Variants in TRPC5 observed in about 807,000 individuals in gnomAD.
The protein encoded by TRPC5 is transient receptor potential cation channel subfamily C member 5.
TRPC5 carries 9 observed loss-of-function variants against 56.5 expected under a neutral mutation model. The ratio of observed to expected loss-of-function variants is 0.16; its 90% CI spans 0.10 to 0.28. The LOEUF is 0.28. Ranked by LOEUF, TRPC5 falls within the 10% of genes least tolerant of loss-of-function variation. The pLI, the probability that TRPC5 is intolerant of heterozygous loss-of-function variation, is 1.00. For synonymous variants in TRPC5, 282 were observed against 278.5 expected, an observed-to-expected ratio of 1.01 and a Z score of -0.13; for missense variants, 469 against 748.9, an observed-to-expected ratio of 0.63 and a Z score of 4.36.
At chrX:112,063,885 G>A (rs1416007323) in intron 1 of TRPC5, among the ~76,000 whole-genome samples, 2 of 111,632 alleles carry the variant, frequency 1.8e-5, no homozygotes, top group Admixed American at 9.5e-5. Context: ...TCCGCCTCCC[G>A]GGTTCACGCC....
intron 4 of TRPC5, among the ~76,000 whole-genome samples, chrX:111,852,971 T>G (rs1230829585): frequency 9.0e-6 from 1 of 111,585 alleles, no homozygotes; most frequent in Non-Finnish European, 1.9e-5. Flanking sequence ...GTAGAAGTTT[T>G]GTAAAATTTT....
intron 7 of TRPC5, among the ~76,000 whole-genome samples, chrX:111,796,947 G>A (rs1388455727): frequency 8.9e-6 from 1 of 112,071 alleles, no homozygotes; most frequent in East Asian, 2.8e-4. Context: ...AGGCTGCTGT[G>A]CTGTTAAAAA....
At chrX:111,864,899 T>C (rs756609886) in intron 3 of TRPC5, among the ~76,000 whole-genome samples, 7 of 112,177 alleles carry the variant, frequency 6.2e-5, no homozygotes, top group Non-Finnish European at 1.3e-4. Flanking sequence ...TGGGAAGTTA[T>C]GTTGTTCTAT....
At chrX:111,891,250 T>C (rs1328620415) in intron 3 of TRPC5, among the ~76,000 whole-genome samples, 1 of 112,036 alleles carries the variant, frequency 8.9e-6, no homozygotes, top group Non-Finnish European at 1.9e-5. Flanking sequence ...GATGCCTGGG[T>C]CAAATGGTAT....
At chrX:111,791,890 A>G (rs1946024302) in intron 7 of TRPC5, among the ~76,000 whole-genome samples, 1 of 112,440 alleles carries the variant, frequency 8.9e-6, no homozygotes, top group East Asian at 2.8e-4. Context: ...CCTGTGGAAG[A>G]CAGTGTGGTG....
At chrX:111,787,060 T>C (rs1182129188) in intron 7 of TRPC5, among the ~76,000 whole-genome samples, 1 of 111,813 alleles carries the variant, frequency 8.9e-6, no homozygotes, top group Non-Finnish European at 1.9e-5. Context: ...GGAGACCTAA[T>C]AGACATCTAC....
rs970109911 is a variant in TRPC5, at chrX:111,815,591, C to T, written c.1896+19330G>A. 9.0e-5 allele frequency among the ~76,000 whole-genome samples: 10 copies of T among 110,669 alleles called. No homozygotes were observed. In the South Asian group the frequency reaches 1.2e-3, roughly 13 times the overall value. ...CAAAAATTAGCCAGGCATGGTGGCACGCGCCTGTAATCGCAGCTACTCGGG... is the reference window on the plus strand; with the variant it reads ...CAAAAATTAGCCAGGCATGGTGGCATGCGCCTGTAATCGCAGCTACTCGGG... On this transcript the variant is annotated intron_variant, in intron 7 of 10. Transcript: ENST00000262839.
intron 1 of TRPC5, among the ~76,000 whole-genome samples, chrX:111,991,877 G>A (rs958411155): frequency 1.8e-5 from 2 of 111,753 alleles, no homozygotes; most frequent in Non-Finnish European, 3.8e-5. Flanking sequence ...TAGGGTTTCA[G>A]GCTATCTAAT....
chrX:112,077,835 C>T (rs1930869964), intron 1 of TRPC5, among the ~76,000 whole-genome samples: 1 of 112,168 alleles, frequency 8.9e-6, no homozygotes, highest in African/African-American at 3.2e-5. Flanking sequence ...TCTTCTTGTA[C>T]TCTGCTCTAA....
intron 7 of TRPC5, among the ~76,000 whole-genome samples, chrX:111,824,006 G>A (rs113824078): frequency 9.7e-4 from 108 of 110,790 alleles, no homozygotes; most frequent in Middle Eastern, 9.2e-3. Context: ...TGGGGAGGTC[G>A]GATCGCTTGA....
intron 1 of TRPC5, among the ~76,000 whole-genome samples, chrX:112,014,794 C>A (rs1233676541): frequency 9.0e-6 from 1 of 111,672 alleles, no homozygotes; most frequent in African/African-American, 3.3e-5. Flanking sequence ...AGATGACATC[C>A]TCCCCTATAT....
intron 1 of TRPC5, among the ~76,000 whole-genome samples, chrX:111,958,089 C>T (rs1927281754): frequency 8.9e-6 from 1 of 111,920 alleles, no homozygotes; most frequent in South Asian, 3.7e-4. Flanking sequence ...TAAGAACACA[C>T]TGGCCTTCTA....
At chrX:111,842,737 A>C (rs2148581418) in intron 6 of TRPC5, among the ~76,000 whole-genome samples, 1 of 112,420 alleles carries the variant, frequency 8.9e-6, no homozygotes, top group East Asian at 2.8e-4. Context: ...TATAGGGATC[A>C]ATGTAGAGCT....
At chrX:111,862,709 T>G (rs1296941841) in intron 3 of TRPC5, among the ~76,000 whole-genome samples, 5 of 112,379 alleles carry the variant, frequency 4.4e-5, no homozygotes. Flanking sequence ...TTCCCCATTA[T>G]ATTGTTTTGA....
At chrX:112,044,202 G>A (rs1213059201) in intron 1 of TRPC5, among the ~76,000 whole-genome samples, 2 of 111,509 alleles carry the variant, frequency 1.8e-5, no homozygotes, top group Non-Finnish European at 3.8e-5. Flanking sequence ...GCCACCTGTT[G>A]TTTGTGTATC....
At chrX:111,881,466 G>A (rs1056837619) in intron 3 of TRPC5, among the ~76,000 whole-genome samples, 1 of 111,666 alleles carries the variant, frequency 9.0e-6, no homozygotes, top group Non-Finnish European at 1.9e-5. Context: ...GTGAGCCACT[G>A]GGCCTGGCCC....
At chrX:111,875,635 C>T (rs1292255543) in intron 3 of TRPC5, among the ~76,000 whole-genome samples, 1 of 92,946 alleles carries the variant, frequency 1.1e-5, no homozygotes, top group Non-Finnish European at 2.0e-5. Flanking sequence ...CTTCAATGGA[C>T]TCTGATTCCA....
At chrX:111,894,247 G>T (rs188091210) in intron 3 of TRPC5, among the ~76,000 whole-genome samples, 2 of 111,681 alleles carry the variant, frequency 1.8e-5, no homozygotes, top group East Asian at 5.6e-4. Context: ...AGAGGATTTG[G>T]ATTTCTTTGC....
chrX:112,041,922 C>T (rs1188037463), intron 1 of TRPC5, among the ~76,000 whole-genome samples: 1 of 111,609 alleles, frequency 9.0e-6, no homozygotes, highest in African/African-American at 3.3e-5. Context: ...TAGCTCGACT[C>T]TCTCTTATTC....
Sources: gnomAD v4.1 joint callset for allele counts (sites outside exome capture counted in the v4.1 genomes callset) on GRCh38, gnomAD v4.1.1 for gene constraint, MANE v1.5 for transcripts, NCBI Gene and HGNC (gene_info 2026-07-23, HGNC 2026-07-21) for gene names.